Variants in PACS1 observed in about 807,000 individuals in gnomAD.
PACS1 encodes the protein phosphofurin acidic cluster sorting protein 1, also known as PACS-1.
A neutral mutation model predicts 115.0 loss-of-function variants in PACS1; 24 were observed. That is an observed-to-expected ratio of 0.21 (90% CI 0.15 to 0.29). PACS1 has a LOEUF of 0.29. Among genes scored for constraint, PACS1 ranks in the 10% least tolerant of loss-of-function variants. The probability of loss-of-function intolerance (pLI) is 1.00; values close to 1 mark genes in which losing one functional copy is unlikely to be tolerated. For missense variants in PACS1, 838 were observed against 1,251.2 expected, an observed-to-expected ratio of 0.67 and a Z score of 4.98; for synonymous variants, 453 against 504.5, an observed-to-expected ratio of 0.90 and a Z score of 1.37.
intron 2 of PACS1, among the ~76,000 whole-genome samples, chr11:66,206,994 C>G (rs919791130): frequency 6.6e-6 from 1 of 152,186 alleles, no homozygotes; most frequent in Non-Finnish European, 1.5e-5. Flanking sequence ...CCCTCGAACC[C>G]CTTACTAAGC....
At chr11:66,078,214 T>A (rs1202703694) in intron 1 of PACS1, among the ~76,000 whole-genome samples, 1 of 152,222 alleles carries the variant, frequency 6.6e-6, no homozygotes, top group East Asian at 1.9e-4. Context: ...ACAGGTCATT[T>A]TGGCAAAAAC....
intron 1 of PACS1, among the ~76,000 whole-genome samples, chr11:66,170,590 A>C (rs1859712506): frequency 6.7e-6 from 1 of 149,844 alleles, no homozygotes; most frequent in South Asian, 2.1e-4. Flanking sequence ...TTCTAATTTA[A>C]TTGCATTTTA....
At chr11:66,194,677 G>C (rs1854609326) in intron 2 of PACS1, among the ~76,000 whole-genome samples, 1 of 152,170 alleles carries the variant, frequency 6.6e-6, no homozygotes, top group African/African-American at 2.4e-5. Flanking sequence ...ATAATGACTG[G>C]AGTCTTCAGC....
At chr11:66,108,194 G>A (rs1281002217) in intron 1 of PACS1, among the ~76,000 whole-genome samples, 1 of 152,158 alleles carries the variant, frequency 6.6e-6, no homozygotes, top group African/African-American at 2.4e-5. Context: ...GGTGCCAGTA[G>A]GGGTTGGTTT....
intron 1 of PACS1, among the ~76,000 whole-genome samples, chr11:66,176,818 T>TGCC (rs750150575): frequency 1.2e-4 from 19 of 152,196 alleles, no homozygotes; most frequent in Non-Finnish European, 2.4e-4. Flanking sequence ...TCCCCCTCCC[T>TGCC]GCCAGGTGAG....
chr11:66,174,987 C>T (rs1379867935), intron 1 of PACS1, among the ~76,000 whole-genome samples: 2 of 152,060 alleles, frequency 1.3e-5, no homozygotes, highest in Non-Finnish European at 2.9e-5. Flanking sequence ...CCTGTCTCTA[C>T]TAAAACTACA....
At chr11:66,211,993 G>C (rs965550599) in intron 4 of PACS1, among the ~76,000 whole-genome samples, 1 of 152,190 alleles carries the variant, frequency 6.6e-6, no homozygotes, top group Non-Finnish European at 1.5e-5. Context: ...AGGTTCGCCT[G>C]ATGTTGCCTC....
chr11:66,142,760 GA>G (rs994005935), intron 1 of PACS1, among the ~76,000 whole-genome samples: 12 of 150,456 alleles, frequency 8.0e-5, no homozygotes, highest in Admixed American at 1.3e-4. Flanking sequence ...TCTACTAAGA[GA>G]AAAAAAAAGA....
chr11:66,145,236 C>G (rs1401923660), intron 1 of PACS1, among the ~76,000 whole-genome samples: 3 of 152,180 alleles, frequency 2.0e-5, no homozygotes, highest in African/African-American at 7.2e-5. Context: ...GAGTCTTTGA[C>G]TCCTTGCCTA....
At chr11:66,234,027 C>T in intron 16 of PACS1, 88 bp downstream of exon 16, 2 of 1,566,058 alleles carry the variant, frequency 1.3e-6, no homozygotes, top group South Asian at 1.1e-5. Flanking sequence ...GGGTTGGGGC[C>T]TAGGAAGGGA....
At chr11:66,181,620 G>C (rs1860013555) in intron 1 of PACS1, among the ~76,000 whole-genome samples, 1 of 152,142 alleles carries the variant, frequency 6.6e-6, no homozygotes, top group African/African-American at 2.4e-5. Flanking sequence ...TTATTAATGT[G>C]ATAATGTATT....
intron 1 of PACS1, among the ~76,000 whole-genome samples, chr11:66,175,624 G>A (rs72936635): frequency 0.26 from 40,277 of 152,050 alleles, 6,057 homozygotes; most frequent in South Asian, 0.47. Flanking sequence ...AACTCCATCA[G>A]TCCCAGTGGC....
intron 1 of PACS1, among the ~76,000 whole-genome samples, chr11:66,089,259 C>T (rs562470322): frequency 1.2e-4 from 19 of 152,220 alleles, no homozygotes; most frequent in Admixed American, 7.8e-4. Flanking sequence ...GAGACATTAC[C>T]ACCACCATCA....
intron 1 of PACS1, among the ~76,000 whole-genome samples, chr11:66,127,614 A>G (rs1445914264): frequency 6.6e-6 from 1 of 152,176 alleles, no homozygotes; most frequent in Non-Finnish European, 1.5e-5. Flanking sequence ...AAAATAAGCG[A>G]CAGACATAGT....
At chr11:66,149,439 C>T (rs896794618) in intron 1 of PACS1, among the ~76,000 whole-genome samples, 4 of 151,888 alleles carry the variant, frequency 2.6e-5, no homozygotes, top group African/African-American at 7.3e-5. Context: ...TCTTCTCTGG[C>T]GATTTATAGG....
intron 1 of PACS1, among the ~76,000 whole-genome samples, chr11:66,137,032 C>A (rs1858862011): frequency 6.7e-6 from 1 of 149,640 alleles, no homozygotes; most frequent in African/African-American, 2.5e-5. Flanking sequence ...GCCCCCCCCC[C>A]CACCATTTCG....
At chr11:66,152,137 G>A (rs1859254124) in intron 1 of PACS1, among the ~76,000 whole-genome samples, 2 of 152,180 alleles carry the variant, frequency 1.3e-5, no homozygotes, top group African/African-American at 4.8e-5. Context: ...GGGAGGCTGA[G>A]GTGGGAGGAT....
chr11:66,238,364 T>C (rs1346124195), intron 19 of PACS1: 1 of 984,050 alleles, frequency 1.0e-6, no homozygotes, highest in Non-Finnish European at 1.2e-6. Context: ...TTCAGCCCTT[T>C]ATCCCCAGAG....
intron 1 of PACS1, among the ~76,000 whole-genome samples, chr11:66,076,885 G>A (rs1008698457): frequency 1.3e-5 from 2 of 152,204 alleles, no homozygotes; most frequent in Non-Finnish European, 2.9e-5. Context: ...GATATTGAGG[G>A]CTCTTGAGGA....
Sources: gnomAD v4.1 joint callset for allele counts (sites outside exome capture counted in the v4.1 genomes callset) on GRCh38, gnomAD v4.1.1 for gene constraint, MANE v1.5 for transcripts, NCBI Gene and HGNC (gene_info 2026-07-23, HGNC 2026-07-21) for gene names.